TP63: variants seen among roughly 807,000 people sequenced by gnomAD.
The protein encoded by TP63 is tumor protein 63.
In TP63, 17 loss-of-function variants were observed where a neutral mutation model predicts 82.8. That is an observed-to-expected ratio of 0.21 (90% confidence interval 0.14 to 0.31). The LOEUF is 0.31. Ranked by LOEUF, TP63 falls within the 10% of genes least tolerant of loss-of-function variation. The pLI, the probability that TP63 is intolerant of heterozygous loss-of-function variation, is 1.00. For missense variants in TP63, 648 were observed against 895.3 expected (o/e 0.72, Z 3.52); for synonymous variants, 330 against 321.7 (o/e 1.03, Z -0.28).
At chr3:189,837,119 AG>A (rs1207914014) in intron 4 of TP63, among the ~76,000 whole-genome samples, 2 of 152,096 alleles carry the variant, frequency 1.3e-5, no homozygotes, top group African/African-American at 4.8e-5. Flanking sequence ...CAACAGGCAG[AG>A]GTGGTGTTTC....
rs1719769847 is a variant in TP63 at position 189,880,279 on chromosome 3, C to T, written c.1350-6115C>T. The T allele has an allele frequency of 5.0e-6, 7 of 1,395,890 alleles. No homozygotes were observed. The Admixed American group carries it at 1.8e-4, about 35-fold the overall frequency. 86.5% of individuals were successfully genotyped at this position (1,395,890 alleles called of 1,614,324 possible). On this transcript the variant is annotated intron_variant, in intron 10 of 13. Coordinates refer to ENST00000264731, the MANE Select transcript of TP63 (RefSeq NM_003722.5). ...TGCGTGTGTATCTAGCCCTCATAAA[C>T]AGGACTTGAAGACACTTTGGCTCAG...
chr3:189,716,832 T>C (rs1297790383), intron 1 of TP63, among the ~76,000 whole-genome samples: 1 of 152,064 alleles, frequency 6.6e-6, no homozygotes, highest in Non-Finnish European at 1.5e-5. Flanking sequence ...AGTCTTGCTC[T>C]GTCTCACCCA....
intron 4 of TP63, among the ~76,000 whole-genome samples, chr3:189,842,402 C>G (rs78723736): frequency 1.3e-5 from 2 of 152,302 alleles, no homozygotes; most frequent in East Asian, 3.9e-4. Context: ...TGTCTCATTG[C>G]TAACTTCTGG....
intron 3 of TP63, among the ~76,000 whole-genome samples, chr3:189,767,659 G>T (rs1480596514): frequency 6.6e-6 from 1 of 152,138 alleles, no homozygotes; most frequent in Non-Finnish European, 1.5e-5. Flanking sequence ...AGGAGCTCAT[G>T]GTTGGAAAAC....
intron 10 of TP63, chr3:189,881,512 G>A: frequency 1.0e-6 from 1 of 984,986 alleles, no homozygotes; most frequent in Non-Finnish European, 1.2e-6. Flanking sequence ...CAGTTTTTTT[G>A]TTTCTGTCTC....
intron 4 of TP63, among the ~76,000 whole-genome samples, chr3:189,840,853 T>G (rs1577078238): frequency 1.1e-5 from 1 of 91,060 alleles, no homozygotes; most frequent in African/African-American, 4.4e-5. Context: ...CAAGACTCAG[T>G]CTCCAAAAAA....
At chr3:189,856,758 T>C (rs976034595) in intron 4 of TP63, among the ~76,000 whole-genome samples, 3 of 152,064 alleles carry the variant, frequency 2.0e-5, no homozygotes, top group Admixed American at 6.5e-5. Flanking sequence ...TTTTCATTTT[T>C]AAAAGTACTG....
At chr3:189,696,990 T>C (rs1490567571) in intron 1 of TP63, among the ~76,000 whole-genome samples, 1 of 152,108 alleles carries the variant, frequency 6.6e-6, no homozygotes, top group Non-Finnish European at 1.5e-5. Context: ...CTTGTCTTTT[T>C]AGTCTCTTAA....
At chr3:189,831,625 G>A (rs541837345) in intron 4 of TP63, among the ~76,000 whole-genome samples, 4 of 150,850 alleles carry the variant, frequency 2.7e-5, no homozygotes, top group African/African-American at 7.3e-5. Context: ...CTCATTTGAT[G>A]ATAGCAGCAT....
At chr3:189,759,149 C>T (rs1722389616) in intron 3 of TP63, among the ~76,000 whole-genome samples, 1 of 152,182 alleles carries the variant, frequency 6.6e-6, no homozygotes, top group East Asian at 1.9e-4. Flanking sequence ...TTCCGTGGTT[C>T]TCACCGTGTG....
intron 1 of TP63, among the ~76,000 whole-genome samples, chr3:189,670,382 C>T (rs1714787879): frequency 6.6e-6 from 1 of 151,928 alleles, no homozygotes; most frequent in Non-Finnish European, 1.5e-5. Flanking sequence ...TTTTTACCTA[C>T]CAAGATAGAG....
At chr3:189,689,098 CTTTTT>C (rs1716689796) in intron 1 of TP63, among the ~76,000 whole-genome samples, 2 of 85,134 alleles carry the variant, frequency 2.3e-5, no homozygotes, top group African/African-American at 4.3e-5. Flanking sequence ...TCAAATCTAC[CTTTTT>C]CTTTTTTTTT....
intron 3 of TP63, among the ~76,000 whole-genome samples, chr3:189,791,065 G>A (rs1277814842): frequency 6.6e-6 from 1 of 152,132 alleles, no homozygotes; most frequent in African/African-American, 2.4e-5. Flanking sequence ...TTGTTTTGCA[G>A]TTATATTGAA....
chr3:189,814,937 A>G (rs1423562787), intron 4 of TP63, among the ~76,000 whole-genome samples: 1 of 152,240 alleles, frequency 6.6e-6, no homozygotes, highest in Non-Finnish European at 1.5e-5. Flanking sequence ...GCATGTGAAC[A>G]TTATAAAAAC....
intron 1 of TP63, among the ~76,000 whole-genome samples, chr3:189,681,140 A>G (rs1260768853): frequency 6.6e-6 from 1 of 151,912 alleles, no homozygotes. Context: ...GTGCTCCTAT[A>G]ATCTTTCACC....
chr3:189,679,923 C>T (rs1408487213), intron 1 of TP63, among the ~76,000 whole-genome samples: 3 of 152,044 alleles, frequency 2.0e-5, no homozygotes, highest in African/African-American at 7.2e-5. Flanking sequence ...AACAATTAAC[C>T]ACAAATGCAT....
intron 3 of TP63, among the ~76,000 whole-genome samples, chr3:189,776,847 G>A (rs1335019499): frequency 6.6e-6 from 1 of 152,220 alleles, no homozygotes; most frequent in Non-Finnish European, 1.5e-5. Context: ...AGAGAGAAGA[G>A]AGGTTGATGT....
chr3:189,841,232 G>A (rs912458925), intron 4 of TP63, among the ~76,000 whole-genome samples: 8 of 152,136 alleles, frequency 5.3e-5, no homozygotes, highest in South Asian at 2.1e-4. Context: ...TTGTGTTATC[G>A]TGAGCAAAGT....
At chr3:189,748,863 A>G (rs1024844649) in intron 3 of TP63, among the ~76,000 whole-genome samples, 1 of 152,108 alleles carries the variant, frequency 6.6e-6, no homozygotes, top group Non-Finnish European at 1.5e-5. Context: ...ATAATAGGAA[A>G]TCCAAAATTA....
Sources: gnomAD v4.1 joint callset for allele counts (sites outside exome capture counted in the v4.1 genomes callset) on GRCh38, gnomAD v4.1.1 for gene constraint, MANE v1.5 for transcripts, NCBI Gene and HGNC (gene_info 2026-07-23, HGNC 2026-07-21) for gene names.